The following SGCD variants were observed in gnomAD, a reference collection of about 807,000 sequenced individuals.
SGCD encodes the protein delta-sarcoglycan.
Under a neutral mutation model 36.6 loss-of-function variants are expected in SGCD, and 18 were observed. That is an observed-to-expected ratio of 0.49 (90% CI 0.34 to 0.73). The LOEUF (loss-of-function observed/expected upper bound fraction) is 0.73. SGCD is among the 30% of genes least tolerant of loss of function. The pLI, the probability that SGCD is intolerant of heterozygous loss-of-function variation, is 0.01. For missense variants in SGCD, 387 were observed against 346.7 expected (o/e 1.12, Z -0.92); for synonymous variants, 133 against 130.6 (o/e 1.02, Z -0.12).
At chr5:156,272,598 A>G (rs1322949773) in intron 3 of SGCD, among the ~76,000 whole-genome samples, 1 of 152,230 alleles carries the variant, frequency 6.6e-6, no homozygotes, top group African/African-American at 2.4e-5. Flanking sequence ...TAGGAAAAGC[A>G]TAGGCACTCA....
chr5:156,550,398 C>T (rs11948829), intron 4 of SGCD, among the ~76,000 whole-genome samples: 4,847 of 152,280 alleles, frequency 0.032, 267 homozygotes, highest in African/African-American at 0.11. Context: ...AAGTGCTTCA[C>T]GACACTTCTG....
intron 3 of SGCD, among the ~76,000 whole-genome samples, chr5:156,379,193 A>C (rs1166267810): frequency 6.6e-6 from 1 of 152,242 alleles, no homozygotes; most frequent in South Asian, 2.1e-4. Context: ...TAAACAAGAT[A>C]AAAAGGAAAA....
chr5:156,420,118 C>CTTTTGCAA (rs1171540045), intron 3 of SGCD, among the ~76,000 whole-genome samples: 5 of 152,206 alleles, frequency 3.3e-5, no homozygotes, highest in African/African-American at 1.2e-4. Flanking sequence ...AAAATATTTA[C>CTTTTGCAA]TCACACTTTG....
chr5:156,348,537 C>T (rs1769064785), intron 3 of SGCD, among the ~76,000 whole-genome samples: 1 of 151,984 alleles, frequency 6.6e-6, no homozygotes, highest in South Asian at 2.1e-4. Context: ...TAGGAAGATA[C>T]TTAAGCAAGG....
chr5:156,361,345 T>G (rs1028190812), intron 3 of SGCD, among the ~76,000 whole-genome samples: 1 of 152,230 alleles, frequency 6.6e-6, no homozygotes, highest in African/African-American at 2.4e-5. Flanking sequence ...TTTACCAGGT[T>G]TTGAAGAAGA....
chr5:155,758,041 C>T, the SGCD span, among the ~76,000 whole-genome samples: 3 of 152,086 alleles, frequency 2.0e-5, no homozygotes, highest in Non-Finnish European at 4.4e-5. Context: ...ACTGTGAGTT[C>T]TCCATTAAAC....
intron 2 of SGCD, among the ~76,000 whole-genome samples, chr5:156,335,531 C>T (rs532400518): frequency 1.3e-5 from 2 of 152,264 alleles, no homozygotes; most frequent in South Asian, 4.1e-4. Flanking sequence ...TTTCCAAGTG[C>T]CATCATAGTG....
intron 3 of SGCD, among the ~76,000 whole-genome samples, chr5:156,299,712 T>A (rs1240270678): frequency 6.6e-6 from 1 of 152,168 alleles, no homozygotes; most frequent in Non-Finnish European, 1.5e-5. Context: ...TAAATGGGAT[T>A]ACTTTCTTGA....
intron 1 of SGCD, among the ~76,000 whole-genome samples, chr5:155,973,709 C>T (rs887022470): frequency 6.6e-6 from 1 of 152,172 alleles, no homozygotes; most frequent in Non-Finnish European, 1.5e-5. Flanking sequence ...TCCTACACAC[C>T]TGGCTTTGAA....
At chr5:156,320,679 C>T (rs1248477642) in intron 3 of SGCD, among the ~76,000 whole-genome samples, 4 of 152,160 alleles carry the variant, frequency 2.6e-5, no homozygotes, top group Non-Finnish European at 5.9e-5. Flanking sequence ...GTTTGAGAAT[C>T]CCTCATTGTG....
At chr5:155,986,282 A>G (rs1758328412) in intron 1 of SGCD, among the ~76,000 whole-genome samples, 2 of 152,202 alleles carry the variant, frequency 1.3e-5, no homozygotes, top group South Asian at 4.1e-4. Context: ...GAAGGTTCTT[A>G]TGCTCCTGAA....
intron 3 of SGCD, among the ~76,000 whole-genome samples, chr5:156,291,215 G>A (rs1266287974): frequency 2.0e-5 from 3 of 152,014 alleles, no homozygotes; most frequent in Non-Finnish European, 2.9e-5. Context: ...TAGCAACACC[G>A]TATTCTATAT....
chr5:156,080,815 C>T (rs1760930116), intron 1 of SGCD, among the ~76,000 whole-genome samples: 1 of 152,192 alleles, frequency 6.6e-6, no homozygotes, highest in Non-Finnish European at 1.5e-5. Context: ...AATCCTTTAA[C>T]CAGTCTTTAA....
the SGCD span, chr5:155,845,384 A>G: frequency 1.2e-4 from 19 of 152,262 alleles, 1 homozygote; most frequent in African/African-American, 4.6e-4. Flanking sequence ...TGGATTTGGC[A>G]GAAAAATGAA....
intron 7 of SGCD, among the ~76,000 whole-genome samples, chr5:156,723,623 G>A (rs1432747690): frequency 6.6e-6 from 1 of 152,230 alleles, no homozygotes; most frequent in Non-Finnish European, 1.5e-5. Flanking sequence ...GTTCAAATGA[G>A]GAGGAAAGCC....
At chr5:156,050,355 T>G (rs1190623626) in intron 1 of SGCD, among the ~76,000 whole-genome samples, 2 of 146,126 alleles carry the variant, frequency 1.4e-5, no homozygotes, top group African/African-American at 2.5e-5. Flanking sequence ...CTAGTTAGTG[T>G]TTTTTACTAA....
rs115899200 is a variant in SGCD at position 156,024,641 on chromosome 5, C to T, written c.-281-93237C>T. 2.9e-3 allele frequency among the ~76,000 whole-genome samples: 445 copies of T among 152,098 alleles called. 1 individual carries two copies. Among genetic ancestry groups the T allele is most frequent in the African/African-American group, 0.011 (437 of 41,466 alleles). On this transcript the variant is annotated intron_variant, in intron 1 of 9. Transcript: ENST00000517913. Reference sequence around the variant, plus strand: ...TAGTATATTGATTCCTGCAGTGTTTCCCTGTAATAATTTTTCTGTGATATT... The same window carrying T: ...TAGTATATTGATTCCTGCAGTGTTTTCCTGTAATAATTTTTCTGTGATATT...
At chr5:156,192,746 T>C (rs1417069556) in intron 3 of SGCD, among the ~76,000 whole-genome samples, 1 of 150,674 alleles carries the variant, frequency 6.6e-6, no homozygotes, top group Non-Finnish European at 1.5e-5. Flanking sequence ...CCCATAAATA[T>C]GTACAAATAT....
intron 6 of SGCD, among the ~76,000 whole-genome samples, chr5:156,627,442 G>A (rs1467445720): frequency 1.3e-5 from 2 of 152,112 alleles, no homozygotes; most frequent in Admixed American, 1.3e-4. Context: ...TGATTTTAAT[G>A]GAATCTTCTT....
Sources: allele counts gnomAD v4.1 joint callset (sites outside exome capture counted in the v4.1 genomes callset), GRCh38; gene constraint gnomAD v4.1.1; transcripts MANE v1.5; gene names NCBI Gene and HGNC (gene_info 2026-07-23, HGNC 2026-07-21).